Variants in PRKAR2B observed in about 807,000 individuals in gnomAD.
The protein encoded by PRKAR2B is protein kinase cAMP-dependent type II regulatory subunit beta, also known as cAMP-dependent protein kinase type II-beta regulatory subunit.
In PRKAR2B, 14 loss-of-function variants were observed where a neutral mutation model predicts 49.9. The ratio of observed to expected loss-of-function variants is 0.28; its 90% CI spans 0.19 to 0.44. The LOEUF (loss-of-function observed/expected upper bound fraction) is 0.44, where lower values mean the gene tolerates loss of function less well. PRKAR2B is among the 20% of genes least tolerant of loss of function. The probability of loss-of-function intolerance (pLI) is 1.00; values close to 1 mark genes in which losing one functional copy is unlikely to be tolerated. For missense variants in PRKAR2B, 393 were observed against 537.9 expected, an observed-to-expected ratio of 0.73 and a Z score of 2.67; for synonymous variants, 196 against 197.7, an observed-to-expected ratio of 0.99 and a Z score of 0.07.
At chr7:107,075,401 A>ATT (rs773470781) in intron 2 of PRKAR2B, among the ~76,000 whole-genome samples, 4 of 137,964 alleles carry the variant, frequency 2.9e-5, no homozygotes, top group East Asian at 2.1e-4. Flanking sequence ...ACACCTGGCA[A>ATT]TTTTTTTTTT....
At chr7:107,151,364 T>C (rs1267790104) in intron 7 of PRKAR2B, among the ~76,000 whole-genome samples, 2 of 152,246 alleles carry the variant, frequency 1.3e-5, no homozygotes, top group African/African-American at 4.8e-5. Context: ...ATATAGAATG[T>C]CCTCTCTGGC....
chr7:107,129,704 G>T lies in PRKAR2B; in HGVS notation c.480+1409G>T, dbSNP rs566273576. Reference sequence around the variant, plus strand: ...GCTACTCCATAGACAGAGCAGCCCCGAGAGCTGCTGGTTGCCCATTTTTAT... The same window carrying T: ...GCTACTCCATAGACAGAGCAGCCCCTAGAGCTGCTGGTTGCCCATTTTTAT... On this transcript the variant is annotated intron_variant, in intron 4 of 10. Transcript: ENST00000265717. 5.3e-5 allele frequency among the ~76,000 whole-genome samples: 8 copies of T among 152,294 alleles called. No individual in the cohort carries two copies. In the East Asian group the frequency reaches 1.3e-3, roughly 26 times the overall value.
intron 2 of PRKAR2B, among the ~76,000 whole-genome samples, chr7:107,090,541 G>C (rs1206235063): frequency 6.6e-6 from 1 of 152,184 alleles, no homozygotes; most frequent in Non-Finnish European, 1.5e-5. Flanking sequence ...AACTGTATCT[G>C]CCAGCTGATT....
Position 107,156,975 on chromosome 7 carries a change from T to C in PRKAR2B, c.919-9T>C, listed in dbSNP as rs764356483. ...TTTCACCGTCTGTTTTTGTTATTGA[T>C]TCCAATAGGGAGATTCGGCTGATTC... is the stretch of plus-strand genomic sequence containing the variant. On this transcript the variant is annotated splice_polypyrimidine_tract_variant and intron_variant, in intron 8 of 10. Transcript: ENST00000265717. The C allele has an allele frequency of 1.7e-5, 27 of 1,602,726 alleles. 1 individual carries two copies. The South Asian group carries it at 2.9e-4, about 17-fold the overall frequency.
intron 1 of PRKAR2B, among the ~76,000 whole-genome samples, chr7:107,065,313 G>GGTGTGTGTGTGTGT (rs1353262616): frequency 1.3e-4 from 17 of 130,296 alleles, no homozygotes; most frequent in African/African-American, 4.4e-4. Flanking sequence ...GTTTGCTCGG[G>GGTGTGTGTGTGTGT]GTGTGTGTAT....
At chr7:107,082,840 A>G (rs958604836) in intron 2 of PRKAR2B, among the ~76,000 whole-genome samples, 1 of 152,142 alleles carries the variant, frequency 6.6e-6, no homozygotes, top group African/African-American at 2.4e-5. Flanking sequence ...CAAAGAATCC[A>G]GTGCCCGCCT....
rs1794670571 is a variant in PRKAR2B, at chr7:107,088,899, C to CG, written c.343+18585dup. Among the ~76,000 whole-genome samples the CG allele has an allele frequency of 2.0e-5, 3 of 151,836 alleles. No homozygotes were observed. The South Asian group carries it at 6.3e-4, about 32-fold the overall frequency. ...ACAGGCATGAGCCACTGCACCCAGC[C>CG]GGAGGTAGGTTTTAATAATCATATT... is the stretch of plus-strand genomic sequence containing the variant. On this transcript the variant is annotated intron_variant, in intron 2 of 10. Coordinates refer to ENST00000265717, the MANE Select transcript of PRKAR2B (RefSeq NM_002736.3).
chr7:107,087,073 C>T (rs891757246), intron 2 of PRKAR2B, among the ~76,000 whole-genome samples: 1 of 151,928 alleles, frequency 6.6e-6, no homozygotes, highest in Non-Finnish European at 1.5e-5. Flanking sequence ...CTATTATGTG[C>T]CTTTTAAGAA....
intron 2 of PRKAR2B, among the ~76,000 whole-genome samples, chr7:107,076,800 T>C (rs1036894769): frequency 2.0e-5 from 3 of 152,352 alleles, no homozygotes; most frequent in East Asian, 3.9e-4. Flanking sequence ...GTGAAATTAA[T>C]CTTTAAATTT....
intron 3 of PRKAR2B, among the ~76,000 whole-genome samples, chr7:107,123,590 A>G (rs1024646259): frequency 6.6e-6 from 1 of 152,234 alleles, no homozygotes; most frequent in African/African-American, 2.4e-5. Flanking sequence ...AAACGGGTTC[A>G]GCTACCCATC....
At chr7:107,158,641 A>G (rs1038385662) in intron 10 of PRKAR2B, among the ~76,000 whole-genome samples, 1 of 152,170 alleles carries the variant, frequency 6.6e-6, no homozygotes, top group Non-Finnish European at 1.5e-5. Flanking sequence ...TTTCTGTATT[A>G]TAGGAGTTTT....
chr7:107,063,058 C>T (rs879524455), intron 1 of PRKAR2B, among the ~76,000 whole-genome samples: 10 of 152,068 alleles, frequency 6.6e-5, no homozygotes, highest in Non-Finnish European at 1.5e-4. Context: ...GACTGGAGTG[C>T]GGTGGTACGA....
chr7:107,064,469 T>C (rs915163250), intron 1 of PRKAR2B, among the ~76,000 whole-genome samples: 8 of 152,178 alleles, frequency 5.3e-5, no homozygotes, highest in African/African-American at 1.9e-4. Context: ...ACACCTGATC[T>C]CTGTGCTTCT....
At chr7:107,054,292 T>G (rs1267182471) in intron 1 of PRKAR2B, among the ~76,000 whole-genome samples, 3 of 152,142 alleles carry the variant, frequency 2.0e-5, no homozygotes, top group Non-Finnish European at 4.4e-5. Flanking sequence ...AGGCAGAGCT[T>G]GCAGTGAGCT....
At chr7:107,073,386 A>T (rs1794323753) in intron 2 of PRKAR2B, among the ~76,000 whole-genome samples, 1 of 152,134 alleles carries the variant, frequency 6.6e-6, no homozygotes, top group Admixed American at 6.5e-5. Flanking sequence ...AATCAGTTTC[A>T]CTCATTATTT....
At chr7:107,065,938 A>T (rs1487472223) in intron 1 of PRKAR2B, among the ~76,000 whole-genome samples, 4 of 152,164 alleles carry the variant, frequency 2.6e-5, no homozygotes, top group Non-Finnish European at 4.4e-5. Flanking sequence ...TTGTAAGGAC[A>T]CGGAAGGATT....
chr7:107,123,052 C>T (rs1185699434), intron 3 of PRKAR2B, among the ~76,000 whole-genome samples: 1 of 152,086 alleles, frequency 6.6e-6, no homozygotes, highest in Non-Finnish European at 1.5e-5. Context: ...CCTTGCCTAC[C>T]GTATACTTTA....
chr7:107,118,385 A>G (rs967045192), intron 2 of PRKAR2B, among the ~76,000 whole-genome samples: 2 of 152,018 alleles, frequency 1.3e-5, no homozygotes, highest in African/African-American at 4.8e-5. Flanking sequence ...TTATTGTGAG[A>G]TATTTAAAAA....
chr7:107,118,924 C>G (rs1167700861), intron 2 of PRKAR2B, among the ~76,000 whole-genome samples: 1 of 152,100 alleles, frequency 6.6e-6, no homozygotes, highest in African/African-American at 2.4e-5. Flanking sequence ...GAAACAATTG[C>G]AACAGGAATG....
Sources: gnomAD v4.1 joint callset for allele counts (sites outside exome capture counted in the v4.1 genomes callset) on GRCh38, gnomAD v4.1.1 for gene constraint, MANE v1.5 for transcripts, NCBI Gene and HGNC (gene_info 2026-07-23, HGNC 2026-07-21) for gene names.